The following ADAMTSL1 variants were observed in gnomAD, a reference collection of about 807,000 sequenced individuals.
ADAMTSL1 encodes ADAMTS-like protein 1.
Under a neutral mutation model 201.8 loss-of-function variants are expected in ADAMTSL1, and 126 were observed. That is an observed-to-expected ratio of 0.62 (90% confidence interval 0.54 to 0.72). ADAMTSL1 has a LOEUF of 0.72. ADAMTSL1 is among the 30% of genes least tolerant of loss of function. The pLI is 0.00. For synonymous variants in ADAMTSL1, 1,121 were observed against 903.4 expected, an observed-to-expected ratio of 1.24 and a Z score of -4.32; for missense variants, 2,679 against 2,277.8, an observed-to-expected ratio of 1.18 and a Z score of -3.59.
At chr9:18,841,432 G>T (rs373996479) in intron 23 of ADAMTSL1, among the ~76,000 whole-genome samples, 1 of 151,904 alleles carries the variant, frequency 6.6e-6, no homozygotes, top group Non-Finnish European at 1.5e-5. Flanking sequence ...TGCTGGATTC[G>T]GTTTGCCAGT....
intron 2 of ADAMTSL1, among the ~76,000 whole-genome samples, chr9:18,214,897 G>A (rs1447575322): frequency 2.0e-5 from 3 of 152,110 alleles, no homozygotes; most frequent in African/African-American, 7.2e-5. Context: ...TACACTTTCT[G>A]TAGACATTAT....
chr9:18,520,271 A>T (rs941515101), intron 2 of ADAMTSL1, among the ~76,000 whole-genome samples: 1 of 152,192 alleles, frequency 6.6e-6, no homozygotes, highest in African/African-American at 2.4e-5. Flanking sequence ...ACCAGAGAGG[A>T]TGTTGTCTTA....
At chr9:17,947,864 C>A (rs1316626757) in intron 1 of ADAMTSL1, among the ~76,000 whole-genome samples, 2 of 152,098 alleles carry the variant, frequency 1.3e-5, no homozygotes, top group South Asian at 4.1e-4. Context: ...AAAAGTCATG[C>A]GTCAAAGAGT....
chr9:18,245,045 G>A lies in ADAMTSL1; in HGVS notation c.207+81064G>A, dbSNP rs923898075. On this transcript the variant is annotated intron_variant, in intron 2 of 29. Transcript: ENST00000680146. ...GTCTGAAATGGAGTTTGTATCTGAC[G>A]AAGACCATCAAGGTGGGAGTAACAA... 9.9e-5 allele frequency among the ~76,000 whole-genome samples: 15 copies of A among 152,134 alleles called. No individual in the cohort carries two copies. In the South Asian group the frequency reaches 1.9e-3, roughly 19 times the overall value.
chr9:18,054,176 G>A (rs1205941594), intron 1 of ADAMTSL1, among the ~76,000 whole-genome samples: 1 of 152,136 alleles, frequency 6.6e-6, no homozygotes, highest in African/African-American at 2.4e-5. Flanking sequence ...GTATGTATGT[G>A]CATACATTTG....
chr9:18,233,784 C>G (rs1830736374), intron 2 of ADAMTSL1, among the ~76,000 whole-genome samples: 1 of 152,194 alleles, frequency 6.6e-6, no homozygotes, highest in Non-Finnish European at 1.5e-5. Context: ...CACTTACACG[C>G]TTTCTTCTAC....
intron 1 of ADAMTSL1, among the ~76,000 whole-genome samples, chr9:17,992,924 C>T (rs571151235): frequency 3.3e-5 from 5 of 151,960 alleles, no homozygotes; most frequent in Admixed American, 6.6e-5. Flanking sequence ...TTACTGAATT[C>T]GAAAATCAAA....
At chr9:18,759,212 C>T (rs1819933577) in intron 16 of ADAMTSL1, among the ~76,000 whole-genome samples, 1 of 152,172 alleles carries the variant, frequency 6.6e-6, no homozygotes, top group African/African-American at 2.4e-5. Flanking sequence ...TGCCATTTCC[C>T]TCTAAACCTT....
intron 2 of ADAMTSL1, among the ~76,000 whole-genome samples, chr9:18,369,659 CAAAAAGATACAATATTGTATCAAAAA>C (rs1563917724): frequency 6.6e-6 from 1 of 152,060 alleles, no homozygotes; most frequent in African/African-American, 2.4e-5. Flanking sequence ...ATTATTGTAT[CAAAAAGATACAATATTGTATCAAAAA>C]ATACCCATGC....
intron 23 of ADAMTSL1, among the ~76,000 whole-genome samples, chr9:18,851,008 C>T (rs907096127): frequency 1.3e-5 from 2 of 152,032 alleles, no homozygotes; most frequent in Admixed American, 1.3e-4. Flanking sequence ...TTTTTTTTAC[C>T]TGTTCTCTTC....
chr9:18,057,163 C>T (rs1822229343), intron 1 of ADAMTSL1, among the ~76,000 whole-genome samples: 1 of 152,154 alleles, frequency 6.6e-6, no homozygotes, highest in Admixed American at 6.6e-5. Flanking sequence ...GTGGTCTTTT[C>T]TGAGACCTGC....
At chr9:18,656,636 A>AAAAAAAAG (rs1828695020) in intron 7 of ADAMTSL1, among the ~76,000 whole-genome samples, 2 of 151,414 alleles carry the variant, frequency 1.3e-5, no homozygotes, top group Non-Finnish European at 2.9e-5. Flanking sequence ...CGCAAAAAAA[A>AAAAAAAAG]AAAAAAAAAG....
rs1046654182 is a variant in ADAMTSL1 at position 18,388,946 on chromosome 9, G to A, written c.208-115883G>A. 5.3e-5 allele frequency among the ~76,000 whole-genome samples: 8 copies of A among 151,618 alleles called. No individual in the cohort carries two copies. The South Asian group carries it at 8.3e-4, about 16-fold the overall frequency. On this transcript the variant is annotated intron_variant, in intron 2 of 29. Coordinates refer to the ADAMTSL1 transcript ENST00000680146. ...TAATTTTTGTACTTCTAGTAGAGAC[G>A]GGGTTTCACCATCTTGGCTAGACTT...
Position 17,958,516 on chromosome 9 carries a change from C to T in ADAMTSL1, c.87+51594C>T, listed in dbSNP as rs528688892. 7.9e-5 allele frequency among the ~76,000 whole-genome samples: 12 copies of T among 152,298 alleles called. No individual in the cohort carries two copies. The South Asian group carries it at 2.3e-3, about 29-fold the overall frequency. On this transcript the variant is annotated intron_variant, in intron 1 of 29. Coordinates refer to the ADAMTSL1 transcript ENST00000680146. ...TAGGCTGGATCCCAAGCCAAAATAA[C>T]TTGCTTATCCCTAGATGAGGAACAG...
At chr9:18,789,625 A>G (rs1821907592) in intron 19 of ADAMTSL1, among the ~76,000 whole-genome samples, 1 of 152,244 alleles carries the variant, frequency 6.6e-6, no homozygotes, top group Non-Finnish European at 1.5e-5. Context: ...CACTGAAGAA[A>G]TGAGACACTG....
chr9:18,648,207 C>A (rs11506410), intron 7 of ADAMTSL1, among the ~76,000 whole-genome samples: 44,692 of 116,650 alleles, frequency 0.38, 10,337 homozygotes, highest in East Asian at 0.73. Context: ...CTAGGATTGC[C>A]AACCCTGCCT....
chr9:18,397,744 C>T (rs564853842), intron 2 of ADAMTSL1, among the ~76,000 whole-genome samples: 174 of 152,256 alleles, frequency 1.1e-3, no homozygotes, highest in Middle Eastern at 3.4e-3. Context: ...CAATGAAACA[C>T]ACTAATTTAA....
chr9:18,074,529 C>CTTTTCTTTTCTTTTT (rs1823119236), intron 1 of ADAMTSL1, among the ~76,000 whole-genome samples: 1 of 137,832 alleles, frequency 7.3e-6, no homozygotes, highest in Admixed American at 7.3e-5. Flanking sequence ...CTTTTCTTTT[C>CTTTTCTTTTCTTTTT]TTTTCTTCTC....
intron 4 of ADAMTSL1, among the ~76,000 whole-genome samples, chr9:18,594,012 A>G (rs1242984775): frequency 6.6e-6 from 1 of 152,028 alleles, no homozygotes; most frequent in East Asian, 1.9e-4. Flanking sequence ...TGGTAATGAT[A>G]AATTCCCTCT....
Sources: allele counts gnomAD v4.1 joint callset (sites outside exome capture counted in the v4.1 genomes callset), GRCh38; gene constraint gnomAD v4.1.1; transcripts MANE v1.5; gene names NCBI Gene and HGNC (gene_info 2026-07-23, HGNC 2026-07-21).